The following UBXN11 variants were observed in gnomAD, a reference collection of about 807,000 sequenced individuals.
UBXN11 encodes the protein UBX domain protein 11, also known as UBX domain-containing protein 11.
Under a neutral mutation model 62.8 loss-of-function variants are expected in UBXN11, and 47 were observed. That is an observed-to-expected ratio of 0.75 (90% CI 0.59 to 0.95). The LOEUF (loss-of-function observed/expected upper bound fraction) is 0.95. Ranked by LOEUF, UBXN11 falls within the 40% of genes least tolerant of loss-of-function variation. The pLI, the probability that UBXN11 is intolerant of heterozygous loss-of-function variation, is 0.00. For synonymous variants in UBXN11, 294 were observed against 267.0 expected (o/e 1.10, Z -0.99); for missense variants, 638 against 661.7 (o/e 0.96, Z 0.39).
chr1:26,303,474 A>G (rs1272666207), intron 1 of UBXN11, among the ~76,000 whole-genome samples: 1 of 151,862 alleles, frequency 6.6e-6, no homozygotes, highest in Non-Finnish European at 1.5e-5. Context: ...AAACACAAAA[A>G]TTAGCTGGGC....
At position 26,284,217 on chromosome 1, in the gene UBXN11, C is replaced by G. The variant is rs749394827; in HGVS notation, c.1002G>C (p.Leu334=). 2.5e-6 allele frequency: 4 copies of G among 1,612,858 alleles called. No individual in the cohort carries two copies. The highest frequency in any genetic ancestry group is 1.1e-5 in the South Asian group (1 of 90,892). Residue 334 remains leucine (L), a synonymous_variant, in exon 12 of 15, where the codon CTG becomes CTC. Transcript: ENST00000374222. ...GGATCACAAACTTGGGGAGCCTGTT[C>G]AGAAATTTCTCAGCAGTCATCCTGG... is the stretch of plus-strand genomic sequence containing the variant. The part of the protein sequence containing the change: ...PGSRMTAEKF[L]NRLPKFVIRQ...
rs760007420 is a variant in UBXN11 at position 26,282,368 on chromosome 1, A to ACCGGGACCGGGACTGGGG, written c.1476_1493dup (p.Ser494_Pro499dup). ...GACCGGGACCGGGACTGGGGCCGGG[A>ACCGGGACCGGGACTGGGG]CCGGGACCGGGACTGGGGCCGGGAC... On this transcript the variant is annotated inframe_insertion, in exon 15 of 15. Coordinates refer to ENST00000374222, the MANE Select transcript of UBXN11 (RefSeq NM_001389556.1). 4.6e-5 allele frequency: 39 copies of ACCGGGACCGGGACTGGGG among 850,944 alleles called. 1 individual carries two copies. The East Asian group carries it at 1.0e-3, about 22-fold the overall frequency. 52.7% of individuals were successfully genotyped at this position (850,944 alleles called of 1,614,324 possible).
exon 1 of UBXN11, chr1:26,318,161 C>G: frequency 9.0e-7 from 1 of 1,107,904 alleles, no homozygotes; most frequent in Non-Finnish European, 1.4e-6. Context: ...CCCAGAGACC[C>G]AGCCTTCTCT....
Position 26,297,892 on chromosome 1 carries a change from C to T in UBXN11, c.300+70G>A, listed in dbSNP as rs116421794. 3.7e-3 allele frequency: 5,705 copies of T among 1,532,948 alleles called. 13 individuals carry two copies. The highest frequency in any genetic ancestry group is 4.1e-3 in the Non-Finnish European group (4,630 of 1,125,240). The allele number at this position is 1,532,948 out of a possible 1,614,324, so 95.0% of individuals were successfully genotyped here. A position where few individuals can be genotyped will look rare whatever the true frequency, so the allele number is the denominator to read the frequency against. ...TAGAATCACCCACCCTAGTCCAACT[C>T]CTGGCCTCCCCAGCCCAGTCCCTCC... On this transcript the variant is annotated intron_variant, in intron 5 of 14. Transcript: ENST00000374222.
chr1:26,291,383 G>GA (rs1235343854), intron 8 of UBXN11, among the ~76,000 whole-genome samples: 1 of 152,204 alleles, frequency 6.6e-6, no homozygotes, highest in African/African-American at 2.4e-5. Context: ...CGCCCATGCT[G>GA]AAAAAATCAA....
At chr1:26,315,299 C>A (rs1232925844) in intron 1 of UBXN11, among the ~76,000 whole-genome samples, 1 of 152,212 alleles carries the variant, frequency 6.6e-6, no homozygotes, top group Non-Finnish European at 1.5e-5. Context: ...TGGCCCCAGG[C>A]TCGTCCTGTC....
chr1:26,282,614 G>A, intron 14 of UBXN11, 35 bp downstream of exon 14: 2 of 1,613,036 alleles, frequency 1.2e-6, no homozygotes, highest in South Asian at 1.1e-5. Flanking sequence ...TGGGACCAGA[G>A]CCCCTCTGTG....
At chr1:26,315,431 G>A (rs1228336203) in intron 1 of UBXN11, among the ~76,000 whole-genome samples, 1 of 152,208 alleles carries the variant, frequency 6.6e-6, no homozygotes, top group East Asian at 1.9e-4. Flanking sequence ...TCTGGCACAG[G>A]ACACCTCCCT....
intron 4 of UBXN11, among the ~76,000 whole-genome samples, chr1:26,300,634 A>ACT (rs5773153): frequency 0.69 from 104,178 of 151,876 alleles, 36,270 homozygotes; most frequent in Non-Finnish European, 0.75. Flanking sequence ...CTACCCTCAG[A>ACT]CTTCATCCCT....
chr1:26,292,909 A>G, intron 8 of UBXN11, among the ~76,000 whole-genome samples: 1 of 152,100 alleles, frequency 6.6e-6, no homozygotes, highest in East Asian at 1.9e-4. Context: ...TGTTTTGAGA[A>G]CAAGCAGTGA....
At chr1:26,300,008 TA>T (rs11302426) in intron 4 of UBXN11, among the ~76,000 whole-genome samples, 27,280 of 151,756 alleles carry the variant, frequency 0.18, 2,628 homozygotes, top group African/African-American at 0.23. Flanking sequence ...AAAAATAAAA[TA>T]AAAAAGAAAG....
chr1:26,295,192 C>A (rs1192871265), intron 7 of UBXN11, among the ~76,000 whole-genome samples: 3 of 151,952 alleles, frequency 2.0e-5, no homozygotes, highest in Non-Finnish European at 4.4e-5. Context: ...AGAAATGGCA[C>A]CCCCTCCACC....
intron 8 of UBXN11, among the ~76,000 whole-genome samples, chr1:26,286,888 G>T (rs1308357522): frequency 6.6e-6 from 1 of 152,080 alleles, no homozygotes; most frequent in Non-Finnish European, 1.5e-5. Context: ...TAGTAGAGAT[G>T]GGGTTTCATC....
In UBXN11 at chr1:26,294,222, T is replaced by C. The variant is rs772727648; in HGVS notation, c.542A>G (p.Lys181Arg). The part of the protein sequence containing the change: ...EHGERDWMTA[K>R]KFWKPGDSLA... ...TGCTCTACCTGGCTTCCAGAACTTC[T>C]TGGCTGTCATCCAGTCCCTCTCGCC... The change falls in exon 8 of 15, where the codon AAG becomes AGG. Residue 181 changes from lysine to arginine, a missense_variant. By Grantham distance (26) the Lys-to-Arg change is conservative. Coordinates refer to ENST00000374222, the MANE Select transcript of UBXN11 (RefSeq NM_001389556.1). The C allele has an allele frequency of 6.2e-7, 1 of 1,614,140 alleles. No individual in the cohort carries two copies. The highest frequency in any genetic ancestry group is 1.1e-5 in the South Asian group (1 of 91,092).
rs372514280 is a variant in UBXN11 at position 26,290,690 on chromosome 1, G to C, written c.559+3515C>G. On this transcript the variant is annotated intron_variant, in intron 8 of 14. Transcript: ENST00000374222. ...GTGGGGCTTGAGAGGAAGGAGGGAG[G>C]CGTGTGGGGTGCTGGCAGGGAGAGG... Among the ~76,000 whole-genome samples the C allele has an allele frequency of 3.9e-5, 6 of 152,240 alleles. No individual in the cohort carries two copies. The East Asian group carries it at 9.7e-4, about 25-fold the overall frequency.
chr1:26,303,902 GTTTCC>G (rs1472993059), intron 1 of UBXN11, among the ~76,000 whole-genome samples: 1 of 152,156 alleles, frequency 6.6e-6, no homozygotes, highest in Non-Finnish European at 1.5e-5. Flanking sequence ...GTAAATGTTA[GTTTCC>G]TTTCCTTTCC....
chr1:26,308,057 G>A (rs978691480), upstream of UBXN11, among the ~76,000 whole-genome samples: 12 of 152,030 alleles, frequency 7.9e-5, no homozygotes, highest in South Asian at 6.2e-4. Context: ...ATCTGAAGTC[G>A]GGAGTTCGAG....
chr1:26,314,810 G>A (rs142505012), intron 1 of UBXN11, among the ~76,000 whole-genome samples: 128 of 152,306 alleles, frequency 8.4e-4, no homozygotes, highest in Non-Finnish European at 1.2e-3. Context: ...GGAACTTTGA[G>A]TTTCCTAGGG....
At chr1:26,299,035 T>C (rs1411065364) in intron 4 of UBXN11, among the ~76,000 whole-genome samples, 1 of 152,146 alleles carries the variant, frequency 6.6e-6, no homozygotes, top group Non-Finnish European at 1.5e-5. Context: ...TAGGATTTCT[T>C]TGCATGTGGG....
Sources: allele counts gnomAD v4.1 joint callset (sites outside exome capture counted in the v4.1 genomes callset), GRCh38; gene constraint gnomAD v4.1.1; transcripts MANE v1.5; gene names NCBI Gene and HGNC (gene_info 2026-07-23, HGNC 2026-07-21).